Variants in ANK2 observed in about 807,000 individuals in gnomAD.
ANK2 encodes the protein ankyrin 2.
ANK2 carries 83 observed loss-of-function variants against 360.5 expected under a neutral mutation model. The observed-to-expected ratio is 0.23, with a 90% CI of 0.19 to 0.28. The LOEUF is 0.28. Ranked by LOEUF, ANK2 falls within the 10% of genes least tolerant of loss-of-function variation. The pLI, the probability that ANK2 is intolerant of heterozygous loss-of-function variation, is 1.00. For synonymous variants in ANK2, 1,740 were observed against 1,759.5 expected (o/e 0.99, Z 0.28); for missense variants, 4,201 against 4,795.7 (o/e 0.88, Z 3.66).
intron 7 of ANK2, among the ~76,000 whole-genome samples, chr4:113,238,693 C>A (rs1230083008): frequency 6.6e-6 from 1 of 152,084 alleles, no homozygotes; most frequent in Non-Finnish European, 1.5e-5. Flanking sequence ...TGGATTTTTA[C>A]TGAGTTATAA....
At chr4:113,065,808 A>T (rs2075361780) in intron 1 of ANK2, among the ~76,000 whole-genome samples, 1 of 152,194 alleles carries the variant, frequency 6.6e-6, no homozygotes, top group African/African-American at 2.4e-5. Flanking sequence ...CTACAACGTT[A>T]TTACACAAAA....
rs2154290810 is a variant in ANK2, at chr4:113,008,169, AAAC to A, written c.21+103656_21+103658del. ...TTTGAATTACATTTTTAATGGAAATAAACTAGGGTTATAGTTTCAGGATTTCCC... is the reference window on the plus strand; with the variant it reads ...TTTGAATTACATTTTTAATGGAAATATAGGGTTATAGTTTCAGGATTTCCC... On this transcript the variant is annotated intron_variant, in intron 2 of 30. Transcript: ENST00000503271. Among the ~76,000 whole-genome samples the A allele has an allele frequency of 1.3e-5, 2 of 151,426 alleles. 1 individual carries two copies. The highest frequency in any genetic ancestry group is 4.2e-4 in the South Asian group (2 of 4,794).
At chr4:112,984,776 C>T (rs1338158456) in intron 2 of ANK2, among the ~76,000 whole-genome samples, 2 of 152,166 alleles carry the variant, frequency 1.3e-5, no homozygotes, top group African/African-American at 4.8e-5. Flanking sequence ...AGTTCATTCT[C>T]ATGGTCAGAA....
the ANK2 span, among the ~76,000 whole-genome samples, chr4:112,808,246 G>T: frequency 2.4e-3 from 373 of 152,266 alleles, 1 homozygote; most frequent in African/African-American, 8.5e-3. Flanking sequence ...CTTAGATCTG[G>T]GTTCCCTATT....
intron 1 of ANK2, among the ~76,000 whole-genome samples, chr4:113,156,888 A>C (rs1228905364): frequency 6.6e-6 from 1 of 151,224 alleles, no homozygotes; most frequent in Non-Finnish European, 1.5e-5. Flanking sequence ...TGTGACACAC[A>C]AACAGATTTG....
chr4:112,763,128 GGCTCACCA>G, the ANK2 span, among the ~76,000 whole-genome samples: 1 of 152,088 alleles, frequency 6.6e-6, no homozygotes. Context: ...GGGCGCGGTG[GGCTCACCA>G]CAGCCTTGAC....
the ANK2 span, among the ~76,000 whole-genome samples, chr4:112,807,052 G>A: frequency 6.6e-5 from 10 of 152,128 alleles, no homozygotes; most frequent in Non-Finnish European, 1.2e-4. Context: ...GATAAAGCTG[G>A]TGTTTATTAG....
chr4:113,044,674 A>C (rs1038511770), upstream of ANK2, among the ~76,000 whole-genome samples: 1 of 152,088 alleles, frequency 6.6e-6, no homozygotes, highest in African/African-American at 2.4e-5. Flanking sequence ...GCTGGCAATC[A>C]TTGGCATCCC....
At chr4:112,957,956 G>A (rs941758369) in intron 2 of ANK2, among the ~76,000 whole-genome samples, 2 of 151,868 alleles carry the variant, frequency 1.3e-5, no homozygotes, top group African/African-American at 4.8e-5. Context: ...CATCCCAGAC[G>A]GGGCGGCGGG....
intron 45 of ANK2, among the ~76,000 whole-genome samples, chr4:113,380,628 C>T (rs1183170788): frequency 6.6e-6 from 1 of 152,246 alleles, no homozygotes; most frequent in African/African-American, 2.4e-5. Context: ...CACCAATGCA[C>T]TCCAGCCTGG....
intron 1 of ANK2, among the ~76,000 whole-genome samples, chr4:113,163,782 A>G (rs866813960): frequency 0.026 from 2,858 of 109,246 alleles, 125 homozygotes; most frequent in African/African-American, 0.084. Flanking sequence ...AAAAAAAAAA[A>G]AAAAAAAAAA....
At chr4:112,749,222 T>C in the ANK2 span, among the ~76,000 whole-genome samples, 1 of 152,222 alleles carries the variant, frequency 6.6e-6, no homozygotes, top group African/African-American at 2.4e-5. Flanking sequence ...TTAAGTCATC[T>C]TTGATCAAGC....
intron 9 of ANK2, among the ~76,000 whole-genome samples, chr4:113,245,674 G>A (rs905381410): frequency 2.0e-5 from 3 of 152,154 alleles, no homozygotes; most frequent in South Asian, 4.1e-4. Context: ...GACACATAGG[G>A]ATTACGGGAA....
At chr4:113,089,655 G>A (rs6820973) in intron 1 of ANK2, among the ~76,000 whole-genome samples, 58,311 of 151,846 alleles carry the variant, frequency 0.38, 12,079 homozygotes, top group East Asian at 0.56. Context: ...GAGAAACCTC[G>A]TGTCTAAGAA....
At chr4:112,875,093 C>G (rs2074606275) in intron 1 of ANK2, among the ~76,000 whole-genome samples, 1 of 150,488 alleles carries the variant, frequency 6.6e-6, no homozygotes, top group Admixed American at 6.6e-5. Flanking sequence ...GCGATCTTGG[C>G]TCACTGTAAC....
At chr4:112,904,301 T>A (rs1036278286) in intron 1 of ANK2, among the ~76,000 whole-genome samples, 3 of 152,224 alleles carry the variant, frequency 2.0e-5, no homozygotes, top group African/African-American at 7.2e-5. Flanking sequence ...ATTTTTGCTT[T>A]GCTCTTTTGC....
intron 1 of ANK2, among the ~76,000 whole-genome samples, chr4:112,856,099 T>C (rs1192843519): frequency 6.6e-6 from 1 of 152,210 alleles, no homozygotes; most frequent in East Asian, 1.9e-4. Context: ...TTTACATTTT[T>C]GGACTGTCAT....
At chr4:112,831,126 A>G (rs2059624916) in intron 1 of ANK2, among the ~76,000 whole-genome samples, 1 of 152,146 alleles carries the variant, frequency 6.6e-6, no homozygotes, top group African/African-American at 2.4e-5. Flanking sequence ...GAGACTCCCC[A>G]ATGGGTGCTG....
chr4:113,129,177 A>G (rs1274216272), intron 1 of ANK2, among the ~76,000 whole-genome samples: 1 of 152,238 alleles, frequency 6.6e-6, no homozygotes, highest in African/African-American at 2.4e-5. Flanking sequence ...AAACAAGTAA[A>G]TAAGTGGAGG....
Sources: allele counts gnomAD v4.1 joint callset (sites outside exome capture counted in the v4.1 genomes callset), GRCh38; gene constraint gnomAD v4.1.1; transcripts MANE v1.5; gene names NCBI Gene and HGNC (gene_info 2026-07-23, HGNC 2026-07-21).